NT5DC2: variants seen among roughly 807,000 people sequenced by gnomAD.
NT5DC2 encodes the protein 5'-nucleotidase domain containing 2, also known as 5'-nucleotidase domain-containing protein 2.
NT5DC2 carries 41 observed loss-of-function variants against 70.0 expected under a neutral mutation model. The ratio of observed to expected loss-of-function variants is 0.59; its 90% confidence interval spans 0.46 to 0.76. The LOEUF (loss-of-function observed/expected upper bound fraction) is 0.76, where lower values mean the gene tolerates loss of function less well. Among genes scored for constraint, NT5DC2 ranks in the 30% least tolerant of loss-of-function variants. The pLI is 0.00. For missense variants in NT5DC2, 705 were observed against 783.2 expected, an observed-to-expected ratio of 0.90 and a Z score of 1.19; for synonymous variants, 299 against 310.4, an observed-to-expected ratio of 0.96 and a Z score of 0.39.
chr3:52,534,272 C>T (rs1163785904), upstream of NT5DC2: 1 of 577,288 alleles, frequency 1.7e-6, no homozygotes, highest in Non-Finnish European at 3.1e-6. Context: ...CTGGTGCTCT[C>T]CTTTCCCGGG....
At position 52,524,835 on chromosome 3, in the gene NT5DC2, T is replaced by C. The variant is rs751142449; in HGVS notation, c.1394A>G (p.Lys465Arg). The change falls in exon 13 of 14, where the codon AAA (lysine) becomes AGA (arginine). Residue 465 changes from lysine (K) to arginine (R), a missense_variant. By Grantham distance (26) the Lys-to-Arg change is conservative (BLOSUM62 2). Coordinates refer to ENST00000422318, the MANE Select transcript of NT5DC2 (RefSeq NM_001134231.2). ...ESRQVLAAWM[K>R]ERQELRCITK... ...TGCTCACCTCAGCTCCTGCCGCTCT[T>C]TCATCCAGGCAGCCAGCACCTGCCT... is the stretch of plus-strand genomic sequence containing the variant. The C allele has an allele frequency of 6.2e-7, 1 of 1,612,670 alleles. No individual in the cohort carries two copies. The highest frequency in any genetic ancestry group is 1.7e-5 in the Admixed American group (1 of 60,022).
At chr3:52,534,739 G>GC, upstream of NT5DC2, 1 of 1,523,076 alleles carries the variant, frequency 6.6e-7, no homozygotes, top group Non-Finnish European at 8.8e-7. Context: ...GTAGCCGTGG[G>GC]CCCTGTCGGA....
rs1575391635 is a variant in NT5DC2 at position 52,531,299 on chromosome 3, A to C, written c.233-1965T>G. ...GGATGCAAGTGAGACAGTTGACTGC[A>C]ACGCTCTAGGGAGCTGCTTCTGAGC... On this transcript the variant is annotated intron_variant, in intron 1 of 13. Transcript: ENST00000422318. The surrounding 1 kb of genome is among the most constrained non-coding windows in gnomAD (Gnocchi z 4.1). 6.6e-6 allele frequency among the ~76,000 whole-genome samples: 1 copy of C among 152,318 alleles called. No individual in the cohort carries two copies. Among genetic ancestry groups the C allele is most frequent in the African/African-American group, 2.4e-5 (1 of 41,572 alleles).
intron 1 of NT5DC2, chr3:52,532,437 G>C (rs1414205474): frequency 3.5e-5 from 34 of 985,426 alleles, no homozygotes; most frequent in Non-Finnish European, 4.1e-5. Flanking sequence ...GCTTCAAAAT[G>C]ACCATTCCTC....
At position 52,524,986 on chromosome 3, in the gene NT5DC2, T is replaced by C. The variant is rs2079228153; in HGVS notation, c.1324A>G (p.Thr442Ala). 1 of 1,611,158 alleles carries C rather than the reference T, an allele frequency of 6.2e-7. No homozygotes were observed. Among genetic ancestry groups the C allele is most frequent in the Non-Finnish European group, 8.5e-7 (1 of 1,179,462 alleles). The change falls in exon 12 of 14, where the codon ACG becomes GCG. Residue 442 changes from threonine (T) to alanine (A), a missense_variant. Transcript: ENST00000422318. The stretch of plus-strand genomic sequence containing the variant: ...ACCTGCATGCGCTCCAGCAGCCCCG[T>C]GAGCGCCTGCTGCCACGTCAGCGAG... The part of the protein sequence containing the change: ...MHSLTWQQAL[T>A]GLLERMQTYQ...
chr3:52,528,340 C>G (rs750168661), intron 5 of NT5DC2, 29 bp from the exon 6 acceptor site: 2 of 1,613,054 alleles, frequency 1.2e-6, no homozygotes, highest in Non-Finnish European at 1.7e-6. Context: ...TCTCAGACAC[C>G]CTTTGGGACC....
intron 10 of NT5DC2, chr3:52,525,544 G>A: frequency 1.9e-6 from 1 of 533,314 alleles, no homozygotes; most frequent in Non-Finnish European, 3.4e-6. Flanking sequence ...CCTTCTCCCT[G>A]TGGTCTCACA....
intron 10 of NT5DC2, 150 bp from the exon 11 acceptor site, chr3:52,525,445 T>TGTCA: frequency 1.6e-6 from 1 of 634,474 alleles, no homozygotes; most frequent in East Asian, 2.8e-5. Context: ...CCCTGGTTCT[T>TGTCA]GTCACTTTCC....
At chr3:52,533,929 C>G (rs1040841508), upstream of NT5DC2, 1 of 736,014 alleles carries the variant, frequency 1.4e-6, no homozygotes, top group Non-Finnish European at 1.7e-6. Context: ...GCCCCGGACC[C>G]GGCGGGGCGG....
Position 52,527,395 on chromosome 3 carries a change from C to A in NT5DC2, c.1038-20G>T. On this transcript the variant is annotated intron_variant, in intron 9 of 13. Coordinates refer to ENST00000422318, the MANE Select transcript of NT5DC2 (RefSeq NM_001134231.2). The stretch of plus-strand genomic sequence containing the variant: ...AAAGGCCTGGGGTGCAGGTAAAGGG[C>A]ATGACTTCCAGTCTGTGGCTGGGCC... 6.2e-7 allele frequency: 1 copy of A among 1,612,828 alleles called. No individual in the cohort carries two copies. The highest frequency in any genetic ancestry group is 8.5e-7 in the Non-Finnish European group (1 of 1,178,958).
intron 1 of NT5DC2, 22 bp downstream of exon 1, chr3:52,533,484 C>G: frequency 6.7e-7 from 1 of 1,492,866 alleles, no homozygotes; most frequent in South Asian, 1.2e-5. Context: ...CCCCGGCGCA[C>G]GTCCCGCCCC....
chr3:52,528,887 G>C lies in NT5DC2; in HGVS notation c.466C>G (p.Arg156Gly), dbSNP rs142542781. Reference protein sequence around the residue: ...KYDYNPSFAIRGLHYDIQKSL... With the variant: ...KYDYNPSFAIGGLHYDIQKSL... ...TTCTGAATGTCATAGTGGAGGCCAC[G>C]GATGGCAAAGCTGGGGTTGTAGTCA... Residue 156 changes from arginine to glycine, a missense_variant, in exon 3 of 14, where the codon CGT (arginine) becomes GGT (glycine). Transcript: ENST00000422318. 3.7e-6 allele frequency: 6 copies of C among 1,613,958 alleles called. No individual in the cohort carries two copies. In the South Asian group the frequency reaches 6.6e-5, roughly 18 times the overall value.
chr3:52,524,535 T>G lies in NT5DC2; in HGVS notation c.1609A>C (p.Met537Leu), dbSNP rs576457366. The G allele has an allele frequency of 1.2e-6, 2 of 1,613,014 alleles. No individual in the cohort carries two copies. The highest frequency in any genetic ancestry group is 4.5e-5 in the East Asian group (2 of 44,868). Residue 537 changes from methionine to leucine, a missense_variant, in exon 14 of 14, where the codon ATG becomes CTG. Transcript: ENST00000422318. ...TPLQHEAPLW[M>L]DQLCTGCMKT... ...ATGCAGCCGGTGCAGAGCTGGTCCA[T>G]CCAGAGGGGTGCCTCGTGCTGCAGC...
intron 10 of NT5DC2, chr3:52,525,561 C>T (rs2153234457): frequency 4.1e-6 from 2 of 486,830 alleles, no homozygotes; most frequent in South Asian, 4.6e-5. Flanking sequence ...CACACGTACC[C>T]CAGGTTAGGG....
chr3:52,527,227 C>T, intron 10 of NT5DC2, 67 bp downstream of exon 10: 3 of 1,469,864 alleles, frequency 2.0e-6, no homozygotes, highest in Non-Finnish European at 1.9e-6. Context: ...GCTGCCTCTG[C>T]ACAGCCTGGG....
upstream of NT5DC2, chr3:52,534,149 GTAC>G (rs2079400001): frequency 3.3e-6 from 1 of 298,732 alleles, no homozygotes; most frequent in African/African-American, 2.3e-5. Flanking sequence ...AGCGCGACGG[GTAC>G]CCCCCGGGCC....
chr3:52,534,337 G>A, upstream of NT5DC2: 2 of 841,712 alleles, frequency 2.4e-6, no homozygotes, highest in Non-Finnish European at 3.8e-6. Flanking sequence ...CAGAGCCCGG[G>A]CCAGTCCACT....
At chr3:52,533,923 C>G (rs1004771469), upstream of NT5DC2, 4,415 of 772,490 alleles carry the variant, frequency 5.7e-3, 11 homozygotes, top group Middle Eastern at 7.1e-3. Context: ...CGGGAGGCCC[C>G]GGACCCGGCG....
At position 52,524,712 on chromosome 3, in the gene NT5DC2, A is replaced by AC. The variant is rs1308178979; in HGVS notation, c.1431dup (p.Phe478ValfsTer27). 5 of 1,612,770 alleles carry AC rather than the reference A, an allele frequency of 3.1e-6. No homozygotes were observed. The highest frequency in any genetic ancestry group is 4.2e-6 in the Non-Finnish European group (5 of 1,180,030). On this transcript the variant is annotated frameshift_variant, in exon 14 of 14. Coordinates refer to ENST00000422318, the MANE Select transcript of NT5DC2 (RefSeq NM_001134231.2). LOFTEE classifies it high-confidence loss of function. The stretch of plus-strand genomic sequence containing the variant: ...AAGATGCTGCCGAACTGCGCATTGA[A>AC]CAGGGCCTTGGTGATGCACCTGGCG...
Sources: allele counts gnomAD v4.1 joint callset (sites outside exome capture counted in the v4.1 genomes callset), GRCh38; gene constraint gnomAD v4.1.1; non-coding constraint Gnocchi (gnomAD v3.1); transcripts MANE v1.5; gene names NCBI Gene and HGNC (gene_info 2026-07-23, HGNC 2026-07-21).